Variants in ZFHX4 observed in about 807,000 individuals in gnomAD.
The protein encoded by ZFHX4 is zinc finger homeobox 4, also known as zinc finger homeobox protein 4.
In ZFHX4, 56 loss-of-function variants were observed where a neutral mutation model predicts 267.6. The ratio of observed to expected loss-of-function variants is 0.21; its 90% CI spans 0.17 to 0.26. The LOEUF is 0.26. Among genes scored for constraint, ZFHX4 ranks in the 10% least tolerant of loss-of-function variants. The probability of loss-of-function intolerance (pLI) is 1.00; values close to 1 mark genes in which losing one functional copy is unlikely to be tolerated. For synonymous variants in ZFHX4, 1,778 were observed against 1,665.6 expected, an observed-to-expected ratio of 1.07 and a Z score of -1.64; for missense variants, 4,332 against 4,420.0, an observed-to-expected ratio of 0.98 and a Z score of 0.56.
intron 3 of ZFHX4, among the ~76,000 whole-genome samples, chr8:76,738,712 TTCTCTCTCTC>T (rs571087005): frequency 8.1e-6 from 1 of 123,810 alleles, no homozygotes; most frequent in South Asian, 3.1e-4. Context: ...CTCTCTCTCT[TTCTCTCTCTC>T]TCTCTCTCTC....
At chr8:76,797,886 A>ATGTGTGTGTG (rs10694486) in intron 4 of ZFHX4, among the ~76,000 whole-genome samples, 8 of 140,168 alleles carry the variant, frequency 5.7e-5, no homozygotes, top group African/African-American at 1.8e-4. Flanking sequence ...GTGTGTCTGT[A>ATGTGTGTGTG]TGTGTGTGTG....
At chr8:76,723,127 C>G (rs1808767731) in intron 3 of ZFHX4, among the ~76,000 whole-genome samples, 1 of 151,954 alleles carries the variant, frequency 6.6e-6, no homozygotes, top group Admixed American at 6.6e-5. Context: ...TTTTAAATAC[C>G]AGTTTTCAAG....
intron 3 of ZFHX4, among the ~76,000 whole-genome samples, chr8:76,728,336 G>C (rs1808908965): frequency 6.6e-6 from 1 of 152,128 alleles, no homozygotes; most frequent in African/African-American, 2.4e-5. Context: ...AGGTTAACTG[G>C]AACCAAGGCA....
chr8:76,724,807 G>A (rs1471796385), intron 3 of ZFHX4, among the ~76,000 whole-genome samples: 1 of 152,196 alleles, frequency 6.6e-6, no homozygotes, highest in East Asian at 1.9e-4. Flanking sequence ...AATCTTACAG[G>A]TCTCAGGAGA....
intron 4 of ZFHX4, among the ~76,000 whole-genome samples, chr8:76,809,928 C>T (rs1257410256): frequency 6.6e-6 from 1 of 151,950 alleles, no homozygotes; most frequent in Non-Finnish European, 1.5e-5. Flanking sequence ...ATTTTTATTC[C>T]GAAGACCCAG....
chr8:76,804,206 G>C (rs1357590786), intron 4 of ZFHX4, among the ~76,000 whole-genome samples: 1 of 152,034 alleles, frequency 6.6e-6, no homozygotes, highest in East Asian at 1.9e-4. Context: ...GACACTAATG[G>C]AAGCAACGTG....
chr8:76,769,957 C>T (rs932394679), intron 3 of ZFHX4, among the ~76,000 whole-genome samples: 1 of 152,116 alleles, frequency 6.6e-6, no homozygotes, highest in African/African-American at 2.4e-5. Flanking sequence ...GGAGCTGCTG[C>T]CTCCTGCTAC....
chr8:76,699,822 C>T (rs1030575989), intron 1 of ZFHX4, among the ~76,000 whole-genome samples: 14 of 150,182 alleles, frequency 9.3e-5, no homozygotes, highest in African/African-American at 3.2e-4. Context: ...ATTTAAGCCT[C>T]AATGTGGCTT....
intron 10 of ZFHX4, among the ~76,000 whole-genome samples, chr8:76,856,748 C>A (rs538116879): frequency 6.6e-6 from 1 of 151,978 alleles, no homozygotes; most frequent in Non-Finnish European, 1.5e-5. Flanking sequence ...GTTTGTCCCC[C>A]CCGCCGCCAC....
intron 1 of ZFHX4, among the ~76,000 whole-genome samples, chr8:76,698,478 C>G (rs919623819): frequency 6.6e-6 from 1 of 152,004 alleles, no homozygotes; most frequent in Admixed American, 6.6e-5. Flanking sequence ...CTCCTTAGCT[C>G]TTCATCACAT....
chr8:76,751,283 G>T (rs1809608142), intron 3 of ZFHX4, among the ~76,000 whole-genome samples: 6 of 152,106 alleles, frequency 3.9e-5, no homozygotes. Context: ...GAATTGTCTA[G>T]TTGTTTATAT....
intron 1 of ZFHX4, among the ~76,000 whole-genome samples, chr8:76,694,469 T>G (rs776024895): frequency 6.6e-6 from 1 of 152,140 alleles, no homozygotes; most frequent in Non-Finnish European, 1.5e-5. Context: ...TGGTAAGCCA[T>G]ATTTTCTGAG....
chr8:76,760,171 C>A (rs1267405804), intron 3 of ZFHX4, among the ~76,000 whole-genome samples: 3 of 151,774 alleles, frequency 2.0e-5, no homozygotes, highest in Non-Finnish European at 2.9e-5. Flanking sequence ...TCTCCTAAGA[C>A]CTTTTCTTGT....
intron 3 of ZFHX4, among the ~76,000 whole-genome samples, chr8:76,718,087 A>G (rs1369351793): frequency 6.6e-6 from 1 of 152,222 alleles, no homozygotes; most frequent in African/African-American, 2.4e-5. Context: ...GTCAATTTAC[A>G]AGACATCTCC....
chr8:76,731,929 C>T, intron 3 of ZFHX4, among the ~76,000 whole-genome samples: 1 of 151,036 alleles, frequency 6.6e-6, no homozygotes, highest in Admixed American at 6.6e-5. Flanking sequence ...CCAAGCTGAA[C>T]CTCCTGGGTT....
chr8:76,706,273 A>G lies in ZFHX4; in HGVS notation c.2185A>G (p.Asn729Asp). Residue 729 changes from asparagine to aspartate, a missense_variant, in exon 2 of 11, where the codon AAT becomes GAT. By Grantham distance (23) the Asn-to-Asp change is conservative. Coordinates refer to ENST00000651372, the MANE Select transcript of ZFHX4 (RefSeq NM_024721.5). ...GGACAAGCACCTGAACAATGTTCAG[A>G]ATCTCCAAAATGGCAATGGTGAGCA... Reference protein sequence around the residue: ...QSDKHLNNVQNLQNGNGEQVF... With the variant: ...QSDKHLNNVQDLQNGNGEQVF... The G allele has an allele frequency of 6.2e-7, 1 of 1,614,054 alleles. No individual in the cohort carries two copies. The highest frequency in any genetic ancestry group is 1.1e-5 in the South Asian group (1 of 91,074).
At chr8:76,834,188 T>G (rs1487463339) in intron 5 of ZFHX4, 1 of 439,956 alleles carries the variant, frequency 2.3e-6, no homozygotes, top group Non-Finnish European at 4.5e-6. Context: ...ATAAAACTAC[T>G]ATGAGCATCG....
rs1448556439 is a variant in ZFHX4 at position 76,853,717 on chromosome 8, C to T, written c.6796C>T (p.Pro2266Ser). ...ACAACTCTCCACTGTTCTCAATCTG[C>T]CTACCCGGGTTATTGTTGTATGGTT... Reference protein sequence around the residue: ...IEQLSTVLNLPTRVIVVWFQN... With the variant: ...IEQLSTVLNLSTRVIVVWFQN... Residue 2266 changes from proline to serine, a missense_variant, in exon 10 of 11, where the codon CCT (proline) becomes TCT (serine). This residue lies in a region of ZFHX4 where 62 missense variants were observed against 69.8 expected (regional missense o/e 0.89). Coordinates refer to ENST00000651372, the MANE Select transcript of ZFHX4 (RefSeq NM_024721.5). 6 of 1,613,686 alleles carry T rather than the reference C, an allele frequency of 3.7e-6. No individual in the cohort carries two copies. The Middle Eastern group carries it at 4.9e-4, about 133-fold the overall frequency.
chr8:76,762,476 C>A (rs1039748467), intron 3 of ZFHX4, among the ~76,000 whole-genome samples: 5 of 152,046 alleles, frequency 3.3e-5, no homozygotes, highest in African/African-American at 1.2e-4. Context: ...TTGTTTTCTG[C>A]AATATTTAAA....
Sources: allele counts gnomAD v4.1 joint callset (sites outside exome capture counted in the v4.1 genomes callset), GRCh38; gene constraint gnomAD v4.1.1; regional missense constraint gnomAD v4.1.1; transcripts MANE v1.5; gene names NCBI Gene and HGNC (gene_info 2026-07-23, HGNC 2026-07-21).